SIPA1: variants seen among roughly 807,000 people sequenced by gnomAD.
The protein encoded by SIPA1 is signal-induced proliferation-associated 1.
SIPA1 carries 51 observed loss-of-function variants against 88.1 expected under a neutral mutation model. The observed-to-expected ratio is 0.58, with a 90% confidence interval of 0.46 to 0.73. The LOEUF (loss-of-function observed/expected upper bound fraction) is 0.73. Ranked by LOEUF, SIPA1 falls within the 30% of genes least tolerant of loss-of-function variation. SIPA1 has a pLI of 0.00. For missense variants in SIPA1, 1,348 were observed against 1,467.6 expected (o/e 0.92, Z 1.33); for synonymous variants, 681 against 664.8 (o/e 1.02, Z -0.37).
Position 65,649,431 on chromosome 11 carries a change from G to C in SIPA1, c.2476G>C (p.Glu826Gln). ...TCCTCCAGGGCCTGGGGATCTGGCC[G>C]AGGAGAGGACTGAGTTCCTGCACAG... is the stretch of plus-strand genomic sequence containing the variant. ...GSPPGPGDLA[E>Q]ERTEFLHSQN... Residue 826 changes from glutamate (E) to glutamine (Q), a missense_variant, in exon 10 of 16, where the codon GAG becomes CAG. Physicochemically the swap from Glu to Gln is conservative, Grantham distance 29. Transcript: ENST00000534313. The C allele has an allele frequency of 6.2e-7, 1 of 1,603,324 alleles. No homozygotes were observed. Among genetic ancestry groups the C allele is most frequent in the Non-Finnish European group, 8.5e-7 (1 of 1,174,816 alleles).
At chr11:65,638,970 C>T (rs111717905) in intron 1 of SIPA1, among the ~76,000 whole-genome samples, 2 of 152,344 alleles carry the variant, frequency 1.3e-5, no homozygotes, top group Admixed American at 6.5e-5. Context: ...AGCCCAGGCC[C>T]GAGCGCTGAA....
chr11:65,650,269 C>T, intron 14 of SIPA1, 77 bp downstream of exon 14: 1 of 1,560,890 alleles, frequency 6.4e-7, no homozygotes, highest in Non-Finnish European at 8.8e-7. Context: ...TGGGGTGGAG[C>T]TCTGTCCTGG....
Position 65,641,132 on chromosome 11 carries a change from C to G in SIPA1, c.211C>G (p.Arg71Gly), listed in dbSNP as rs202042635. 1 of 1,603,266 alleles carries G rather than the reference C, an allele frequency of 6.2e-7. No individual in the cohort carries two copies. Among genetic ancestry groups the G allele is most frequent in the South Asian group, 1.1e-5 (1 of 91,032 alleles). The part of the protein sequence containing the change: ...RPPTPASPRA[R>G]AHSHEEASRP... The stretch of plus-strand genomic sequence containing the variant: ...CCCCACGCCAGCCAGCCCCCGTGCC[C>G]GTGCCCACAGCCACGAAGAGGCCAG... Residue 71 changes from arginine to glycine, a missense_variant, in exon 2 of 16, where the codon CGT (arginine) becomes GGT (glycine). Around this residue, in one of 4 missense-constraint regions of SIPA1, gnomAD observed 641 missense variants for 797.7 expected, o/e 0.80. Transcript: ENST00000534313.
In SIPA1 at chr11:65,641,124, C is replaced by G; in HGVS notation, c.203C>G (p.Pro68Arg). 6.2e-7 allele frequency: 1 copy of G among 1,602,436 alleles called. No homozygotes were observed. Among genetic ancestry groups the G allele is most frequent in the Non-Finnish European group, 8.5e-7 (1 of 1,179,202 alleles). The part of the protein sequence containing the change: ...GEARPPTPAS[P>R]RARAHSHEEA... ...GCCAGGCCCCCCACGCCAGCCAGCC[C>G]CCGTGCCCGTGCCCACAGCCACGAA... Residue 68 changes from proline to arginine, a missense_variant, in exon 2 of 16, where the codon CCC becomes CGC. Pro to Arg is a moderately radical substitution (Grantham distance 103, BLOSUM62 -2). Around this residue, in one of 4 missense-constraint regions of SIPA1, gnomAD observed 641 missense variants for 797.7 expected, o/e 0.80. Transcript: ENST00000534313.
rs746737836 is a variant in SIPA1, at chr11:65,647,445, T to G, written c.2093T>G (p.Leu698Arg). ...CTGCCCCGCGACGGTCAAGGCCGCCTGGGCTTCGAGGTGGACGCCGAGGGA... is the reference window on the plus strand; with the variant it reads ...CTGCCCCGCGACGGTCAAGGCCGCCGGGGCTTCGAGGTGGACGCCGAGGGA... ...LALPRDGQGR[L>R]GFEVDAEGFV... The change falls in exon 9 of 16, where the codon CTG becomes CGG. Residue 698 changes from leucine (L) to arginine (R), a missense_variant. By Grantham distance (102) the Leu-to-Arg change is moderately radical. This residue lies in a region of SIPA1 where 615 missense variants were observed against 559.8 expected (regional missense o/e 1.10). Transcript: ENST00000534313. 17 of 1,482,292 alleles carry G rather than the reference T, an allele frequency of 1.1e-5. No individual in the cohort carries two copies. Among genetic ancestry groups the G allele is most frequent in the Middle Eastern group, 3.5e-4 (2 of 5,692 alleles). 91.8% of individuals were successfully genotyped at this position (1,482,292 alleles called of 1,614,324 possible).
rs530656144 is a variant in SIPA1 at position 65,646,403 on chromosome 11, C to A, written c.1421+25C>A. 9 of 1,603,128 alleles carry A rather than the reference C, an allele frequency of 5.6e-6. No individual in the cohort carries two copies. The highest frequency in any genetic ancestry group is 7.6e-6 in the Non-Finnish European group (9 of 1,177,942). On this transcript the variant is annotated intron_variant, in intron 7 of 15. Coordinates refer to ENST00000534313, the MANE Select transcript of SIPA1 (RefSeq NM_006747.4). This position sits in a 1 kb window ranked among gnomAD's most constrained non-coding sequence, Gnocchi z 7.5. ...GGTGGGCACCGGAGTGGTCCCAGGT[C>A]TCCCGTGGGCATGGAGTCCTGCCGC...
intron 8 of SIPA1, 159 bp from the exon 9 acceptor site, chr11:65,647,225 G>C (rs1476086765): frequency 7.2e-7 from 1 of 1,393,094 alleles, no homozygotes; most frequent in Non-Finnish European, 9.3e-7. Context: ...TGGTGCCCTC[G>C]GGTAAGCGAC....
chr11:65,648,220 A>G (rs1261041224), intron 9 of SIPA1, among the ~76,000 whole-genome samples: 3 of 152,050 alleles, frequency 2.0e-5, no homozygotes, highest in Non-Finnish European at 4.4e-5. Context: ...CGTTGCTCCC[A>G]CTGCTTAAAA....
At position 65,649,492 on chromosome 11, in the gene SIPA1, T is replaced by G. The variant is rs746672624; in HGVS notation, c.2525+12T>G. On this transcript the variant is annotated intron_variant, in intron 10 of 15. Transcript: ENST00000534313. ...CTGTCACCACGCAGGTGCACACTCT[T>G]GGCCTTCCCTCTCCTCCAGGCCTCT... is the stretch of plus-strand genomic sequence containing the variant. 6.2e-7 allele frequency: 1 copy of G among 1,613,758 alleles called. No homozygotes were observed. Among genetic ancestry groups the G allele is most frequent in the South Asian group, 1.1e-5 (1 of 91,070 alleles).
chr11:65,642,684 GTCTGAAC>G lies in SIPA1; in HGVS notation c.984+46_984+52del. 2.0e-6 allele frequency: 3 copies of G among 1,463,858 alleles called. No individual in the cohort carries two copies. In the South Asian group the frequency reaches 4.0e-5, roughly 20 times the overall value. The allele number at this position is 1,463,858 out of a possible 1,614,324, so 90.7% of individuals were successfully genotyped here. ...GCCCCCAGCCATACAGCTGGCCCCAGTCTGAACCCAGCCTGCCCAGCTCCCAAACCCC... is the reference window on the plus strand; with the variant it reads ...GCCCCCAGCCATACAGCTGGCCCCAGCCAGCCTGCCCAGCTCCCAAACCCC... On this transcript the variant is annotated intron_variant, in intron 4 of 15. Coordinates refer to ENST00000534313, the MANE Select transcript of SIPA1 (RefSeq NM_006747.4). The surrounding 1 kb of genome is among the most constrained non-coding windows in gnomAD (Gnocchi z 6.5).
Position 65,642,681 on chromosome 11 carries a change from C to G in SIPA1, c.984+42C>G, listed in dbSNP as rs1274833304. On this transcript the variant is annotated intron_variant, in intron 4 of 15. Coordinates refer to ENST00000534313, the MANE Select transcript of SIPA1 (RefSeq NM_006747.4). This position sits in a 1 kb window ranked among gnomAD's most constrained non-coding sequence, Gnocchi z 6.5. ...GGAGCCCCCAGCCATACAGCTGGCC[C>G]CAGTCTGAACCCAGCCTGCCCAGCT... The G allele has an allele frequency of 2.0e-6, 3 of 1,463,712 alleles. No individual in the cohort carries two copies. The highest frequency in any genetic ancestry group is 2.7e-6 in the Non-Finnish European group (3 of 1,104,324). The allele number at this position is 1,463,712 out of a possible 1,614,324, so 90.7% of individuals were successfully genotyped here.
At chr11:65,641,796 AC>A (rs1205081210) in intron 2 of SIPA1, among the ~76,000 whole-genome samples, 196 bp downstream of exon 2, 3 of 151,682 alleles carry the variant, frequency 2.0e-5, no homozygotes, top group Non-Finnish European at 2.9e-5. Context: ...CTGGCTCCTC[AC>A]CCCCAGCCAG....
In SIPA1 at chr11:65,642,940, G is replaced by C. The variant is rs1856039268; in HGVS notation, c.984+301G>C. On this transcript the variant is annotated intron_variant, in intron 4 of 15. Transcript: ENST00000534313. The surrounding 1 kb of genome is among the most constrained non-coding windows in gnomAD (Gnocchi z 6.5). Reference sequence around the variant, plus strand: ...TTATTTATTTATTTATTTTGAGATGGAGTCTCGCTCTGTCACCCAGGCTGG... The same window carrying C: ...TTATTTATTTATTTATTTTGAGATGCAGTCTCGCTCTGTCACCCAGGCTGG... Among the ~76,000 whole-genome samples the C allele has an allele frequency of 1.2e-5, 1 of 82,326 alleles. No individual in the cohort carries two copies. The highest frequency in any genetic ancestry group is 4.6e-4 in the South Asian group (1 of 2,188). The allele number at this position is 82,326 out of a possible 152,430, so 54.0% of individuals were successfully genotyped here. A position where few individuals can be genotyped will look rare whatever the true frequency, so the allele number is the denominator to read the frequency against.
At position 65,649,683 on chromosome 11, in the gene SIPA1, AC is replaced by A; in HGVS notation, c.2637+13del. The A allele has an allele frequency of 6.2e-7, 1 of 1,614,030 alleles. No homozygotes were observed. Among genetic ancestry groups the A allele is most frequent in the Admixed American group, 1.7e-5 (1 of 60,014 alleles). ...ACACCCCTGACCCAGGTGAGCAGAA[AC>A]CAGGCTCTGGAGCCCAACAGCACAG... On this transcript the variant is annotated intron_variant, in intron 11 of 15. Coordinates refer to ENST00000534313, the MANE Select transcript of SIPA1 (RefSeq NM_006747.4).
chr11:65,645,764 A>G (rs1248815097), intron 5 of SIPA1, 90 bp from the exon 6 acceptor site: 3 of 798,144 alleles, frequency 3.8e-6, no homozygotes, highest in Non-Finnish European at 6.0e-6. Flanking sequence ...TGGGGCACAG[A>G]GGCTCCTGTG....
chr11:65,650,879 G>A lies in SIPA1; in HGVS notation c.*164G>A, dbSNP rs1159618240. On this transcript the variant is annotated 3_prime_UTR_variant, in exon 16 of 16. Transcript: ENST00000534313. ...CCTTCCCTGTTTGTAAATATTCTGT[G>A]GAGAAAAGAGGACTTCAGGGAGTAA... The A allele has an allele frequency of 5.5e-6, 4 of 733,596 alleles. No individual in the cohort carries two copies. The highest frequency in any genetic ancestry group is 3.0e-5 in the Admixed American group (1 of 33,238). 45.4% of individuals were successfully genotyped at this position (733,596 alleles called of 1,614,324 possible). A position where few individuals can be genotyped will look rare whatever the true frequency, so the allele number is the denominator to read the frequency against.
Position 65,642,159 on chromosome 11 carries a change from C to T in SIPA1, c.680-91C>T, listed in dbSNP as rs1590918495. 2.0e-6 allele frequency: 3 copies of T among 1,495,654 alleles called. No individual in the cohort carries two copies. Among genetic ancestry groups the T allele is most frequent in the Non-Finnish European group, 9.0e-7 (1 of 1,116,956 alleles). The allele number at this position is 1,495,654 out of a possible 1,614,324, so 92.6% of individuals were successfully genotyped here. ...GTCAACATTTGGTGGTGAGATGAAG[C>T]CTAGGGCGGGGCTTAGTGATGCGCG... On this transcript the variant is annotated intron_variant, in intron 2 of 15. Coordinates refer to ENST00000534313, the MANE Select transcript of SIPA1 (RefSeq NM_006747.4). This position sits in a 1 kb window ranked among gnomAD's most constrained non-coding sequence, Gnocchi z 6.5.
At chr11:65,647,706 A>G in intron 9 of SIPA1, 48 bp downstream of exon 9, 1 of 1,293,324 alleles carries the variant, frequency 7.7e-7, no homozygotes, top group Non-Finnish European at 9.8e-7. Context: ...GCAGTTGGCC[A>G]CCGCGCAGTC....
intron 9 of SIPA1, among the ~76,000 whole-genome samples, chr11:65,648,391 T>C (rs1856180525): frequency 6.6e-6 from 1 of 152,196 alleles, no homozygotes; most frequent in Non-Finnish European, 1.5e-5. Context: ...TTCTGGACCA[T>C]CTGGTCTCTG....
Sources: allele counts gnomAD v4.1 joint callset (sites outside exome capture counted in the v4.1 genomes callset), GRCh38; gene constraint gnomAD v4.1.1; regional missense constraint gnomAD v4.1.1; non-coding constraint Gnocchi (gnomAD v3.1); transcripts MANE v1.5; gene names NCBI Gene and HGNC (gene_info 2026-07-23, HGNC 2026-07-21).